LRBA: variants seen among roughly 807,000 people sequenced by gnomAD.
LRBA encodes LPS responsive beige-like anchor protein, also known as lipopolysaccharide-responsive and beige-like anchor protein.
LRBA carries 176 observed loss-of-function variants against 330.0 expected under a neutral mutation model. That is an observed-to-expected ratio of 0.53 (90% CI 0.47 to 0.60). The LOEUF (loss-of-function observed/expected upper bound fraction) is 0.60. Among genes scored for constraint, LRBA ranks in the 20% least tolerant of loss-of-function variants. LRBA has a pLI of 0.00. For synonymous variants in LRBA, 1,230 were observed against 1,193.0 expected, an observed-to-expected ratio of 1.03 and a Z score of -0.64; for missense variants, 3,259 against 3,444.8, an observed-to-expected ratio of 0.95 and a Z score of 1.35.
At chr4:150,445,052 T>C (rs1364635902) in intron 44 of LRBA, among the ~76,000 whole-genome samples, 1 of 152,128 alleles carries the variant, frequency 6.6e-6, no homozygotes, top group Non-Finnish European at 1.5e-5. Context: ...CTAAAAATGT[T>C]TTAAGTTATT....
rs1416269736 is a variant in LRBA at position 150,353,348 on chromosome 4, AT to A, written c.7195-3190del. The stretch of plus-strand genomic sequence containing the variant: ...CATCCAAGCTAATTAAAAATTAATG[AT>A]TTCAAAATTGTTTAATAAGATAAAA... On this transcript the variant is annotated intron_variant, in intron 47 of 56. Coordinates refer to ENST00000651943, the MANE Select transcript of LRBA (RefSeq NM_001364905.1). Among the ~76,000 whole-genome samples, 8 of 152,266 alleles carry A rather than the reference AT, an allele frequency of 5.3e-5. No individual in the cohort carries two copies. The East Asian group carries it at 1.2e-3, about 22-fold the overall frequency.
At chr4:150,901,026 A>G (rs1351512432) in intron 13 of LRBA, among the ~76,000 whole-genome samples, 2 of 152,260 alleles carry the variant, frequency 1.3e-5, no homozygotes, top group East Asian at 3.9e-4. Context: ...GGCCCACCCC[A>G]GTGATTCACG....
chr4:150,445,435 A>G (rs888533164), intron 44 of LRBA, among the ~76,000 whole-genome samples: 1 of 147,406 alleles, frequency 6.8e-6, no homozygotes, highest in Admixed American at 6.8e-5. Context: ...ACACATATAT[A>G]TATGTTGTTT....
chr4:150,690,004 TATAAAA>T (rs1356964766), intron 36 of LRBA, among the ~76,000 whole-genome samples: 1 of 151,952 alleles, frequency 6.6e-6, no homozygotes, highest in African/African-American at 2.4e-5. Flanking sequence ...ATACAGATCT[TATAAAA>T]AATAAAACCA....
intron 52 of LRBA, among the ~76,000 whole-genome samples, chr4:150,306,610 A>G (rs1045262934): frequency 6.6e-6 from 1 of 152,146 alleles, no homozygotes; most frequent in African/African-American, 2.4e-5. Flanking sequence ...GTTTAAGGCT[A>G]TTCCTTATTT....
intron 47 of LRBA, among the ~76,000 whole-genome samples, chr4:150,405,351 G>A (rs986360200): frequency 3.3e-5 from 5 of 152,312 alleles, no homozygotes; most frequent in Non-Finnish European, 4.4e-5. Context: ...GCAAAGAAAT[G>A]TGTAATCCAT....
intron 2 of LRBA, among the ~76,000 whole-genome samples, chr4:150,938,220 T>G (rs1735300101): frequency 1.3e-5 from 2 of 152,180 alleles, no homozygotes; most frequent in Non-Finnish European, 2.9e-5. Context: ...CCTATTTATT[T>G]ATAAAATTAA....
intron 34 of LRBA, among the ~76,000 whole-genome samples, chr4:150,779,045 G>A (rs936187679): frequency 1.3e-5 from 2 of 152,104 alleles, no homozygotes; most frequent in Non-Finnish European, 2.9e-5. Context: ...TTCAGGACAT[G>A]GGTGCAAACA....
chr4:150,481,105 G>A (rs189692614), intron 42 of LRBA, among the ~76,000 whole-genome samples: 8 of 152,240 alleles, frequency 5.3e-5, no homozygotes, highest in African/African-American at 1.9e-4. Flanking sequence ...AACTTTCTGT[G>A]CCTGGCTTAT....
At chr4:150,961,345 T>C (rs1036842200) in intron 2 of LRBA, among the ~76,000 whole-genome samples, 4 of 149,120 alleles carry the variant, frequency 2.7e-5, no homozygotes, top group Admixed American at 1.3e-4. Context: ...ACCCAAGAGA[T>C]CTTAAAATGC....
intron 48 of LRBA, among the ~76,000 whole-genome samples, chr4:150,348,162 G>A (rs976919011): frequency 3.3e-5 from 5 of 152,144 alleles, no homozygotes; most frequent in Admixed American, 1.3e-4. Flanking sequence ...ACAATCATTG[G>A]TGTGTAAGTG....
chr4:150,710,158 AAC>A, intron 36 of LRBA, among the ~76,000 whole-genome samples: 1 of 152,138 alleles, frequency 6.6e-6, no homozygotes. Flanking sequence ...AAGATAACAA[AAC>A]ACAGTATTGA....
intron 34 of LRBA, among the ~76,000 whole-genome samples, chr4:150,762,142 A>C (rs918538316): frequency 2.6e-5 from 4 of 151,974 alleles, no homozygotes; most frequent in Admixed American, 6.6e-5. Context: ...AAGGTAACAA[A>C]GAAAACCAAG....
At chr4:150,445,828 A>G (rs1187825113) in intron 44 of LRBA, among the ~76,000 whole-genome samples, 1 of 151,854 alleles carries the variant, frequency 6.6e-6, no homozygotes, top group East Asian at 1.9e-4. Context: ...CCACACTGAC[A>G]TAATTTTTTA....
chr4:150,284,610 C>T (rs1747924375), intron 54 of LRBA, among the ~76,000 whole-genome samples: 1 of 152,126 alleles, frequency 6.6e-6, no homozygotes, highest in Admixed American at 6.5e-5. Flanking sequence ...TCATGGCTTA[C>T]TACAGCCTTC....
chr4:150,464,009 CAA>C (rs34742965), intron 44 of LRBA, among the ~76,000 whole-genome samples: 16 of 146,234 alleles, frequency 1.1e-4, no homozygotes, highest in African/African-American at 2.0e-4. Context: ...AACATATCCT[CAA>C]AAAAAAAAAA....
At chr4:150,685,954 A>G (rs1047064269) in intron 36 of LRBA, among the ~76,000 whole-genome samples, 1 of 152,142 alleles carries the variant, frequency 6.6e-6, no homozygotes, top group Non-Finnish European at 1.5e-5. Context: ...GTCTGAAGAA[A>G]CTCTGGAATG....
chr4:150,406,086 A>T (rs984915512), intron 47 of LRBA, among the ~76,000 whole-genome samples: 2 of 152,072 alleles, frequency 1.3e-5, no homozygotes, highest in African/African-American at 4.8e-5. Context: ...AGTCTCTATA[A>T]ATACGACTAA....
At chr4:150,555,176 C>T (rs989228343) in intron 40 of LRBA, among the ~76,000 whole-genome samples, 1 of 152,126 alleles carries the variant, frequency 6.6e-6, no homozygotes, top group South Asian at 2.1e-4. Context: ...TTCTTTCCAT[C>T]AACTCTAGGT....
Sources: allele counts gnomAD v4.1 joint callset (sites outside exome capture counted in the v4.1 genomes callset), GRCh38; gene constraint gnomAD v4.1.1; transcripts MANE v1.5; gene names NCBI Gene and HGNC (gene_info 2026-07-23, HGNC 2026-07-21).